Variants in ERMAP observed in about 807,000 individuals in gnomAD.
ERMAP encodes erythroblast membrane associated protein (Scianna blood group), also known as erythroid membrane-associated protein.
Under a neutral mutation model 49.5 loss-of-function variants are expected in ERMAP, and 34 were observed. The observed-to-expected ratio is 0.69, with a 90% CI of 0.52 to 0.91. The LOEUF (loss-of-function observed/expected upper bound fraction) is 0.91. Ranked by LOEUF, ERMAP falls within the 40% of genes least tolerant of loss-of-function variation. The pLI, the probability that ERMAP is intolerant of heterozygous loss-of-function variation, is 0.00. For synonymous variants in ERMAP, 214 were observed against 232.2 expected, an observed-to-expected ratio of 0.92 and a Z score of 0.71; for missense variants, 541 against 582.6, an observed-to-expected ratio of 0.93 and a Z score of 0.74.
chr1:42,818,400 G>A (rs142189653), intron 1 of ERMAP, among the ~76,000 whole-genome samples: 1 of 152,332 alleles, frequency 6.6e-6, no homozygotes, highest in African/African-American at 2.4e-5. Flanking sequence ...AAGAGGAATT[G>A]TTTAAAGGGT....
intron 7 of ERMAP, 75 bp downstream of exon 7, chr1:42,837,265 A>G (rs1654929976): frequency 6.8e-6 from 10 of 1,473,004 alleles, no homozygotes; most frequent in Non-Finnish European, 9.5e-6. Context: ...GTTGACAGTC[A>G]TTATTATAAG....
In ERMAP at chr1:42,817,147, G is replaced by A. The variant is rs1249174194; in HGVS notation, c.-228G>A. 1 of 1,200,306 alleles carries A rather than the reference G, an allele frequency of 8.3e-7. No individual in the cohort carries two copies. The allele number at this position is 1,200,306 out of a possible 1,614,324, so 74.4% of individuals were successfully genotyped here. The stretch of plus-strand genomic sequence containing the variant: ...CTCTTCCCTCTCCTGGAGGAAAATG[G>A]CGGTCGCTGGAGCCGCCGACCAAGA... On this transcript the variant is annotated 5_prime_UTR_variant, in exon 1 of 12. Coordinates refer to ENST00000372517, the MANE Select transcript of ERMAP (RefSeq NM_001017922.2).
At chr1:42,839,483 G>A (rs541570948) in intron 8 of ERMAP, 19 of 169,630 alleles carry the variant, frequency 1.1e-4, no homozygotes, top group African/African-American at 1.7e-4. Context: ...GGTGGTGCAC[G>A]CCTGTAATCC....
intron 7 of ERMAP, among the ~76,000 whole-genome samples, chr1:42,838,284 C>T (rs193029623): frequency 3.4e-4 from 52 of 152,238 alleles, no homozygotes; most frequent in East Asian, 1.2e-3. Context: ...AACACATGCC[C>T]GGCCCTTAGC....
chr1:42,818,989 A>G (rs1282356518), intron 1 of ERMAP, among the ~76,000 whole-genome samples: 3 of 152,190 alleles, frequency 2.0e-5, no homozygotes, highest in Non-Finnish European at 4.4e-5. Context: ...ACTAGATTAC[A>G]GCTGAAGACA....
intron 11 of ERMAP, among the ~76,000 whole-genome samples, chr1:42,840,783 G>T (rs1281701966): frequency 6.6e-6 from 1 of 151,906 alleles, no homozygotes; most frequent in Non-Finnish European, 1.5e-5. Flanking sequence ...TTTCTGTGTA[G>T]TCTCTTCCAT....
At position 42,827,133 on chromosome 1, in the gene ERMAP, G is replaced by T. The variant is rs570233341; in HGVS notation, c.-6+1395G>T. 2.0e-5 allele frequency among the ~76,000 whole-genome samples: 3 copies of T among 152,122 alleles called. No individual in the cohort carries two copies. In the East Asian group the frequency reaches 5.8e-4, roughly 29 times the overall value. Reference sequence around the variant, plus strand: ...GGAAATGCACATAATGTAGCACTTGGTGAAAATATCAGGTATCAAAACAGT... The same window carrying T: ...GGAAATGCACATAATGTAGCACTTGTTGAAAATATCAGGTATCAAAACAGT... On this transcript the variant is annotated intron_variant, in intron 2 of 11. Transcript: ENST00000372517.
intron 8 of ERMAP, 146 bp from the exon 9 acceptor site, chr1:42,839,887 T>G: frequency 1.3e-6 from 1 of 794,470 alleles, no homozygotes; most frequent in Non-Finnish European, 2.1e-6. Context: ...TGGGATCTAC[T>G]GCTCTTGCAA....
intron 6 of ERMAP, chr1:42,836,845 A>T (rs1178965895): frequency 2.2e-5 from 5 of 224,310 alleles, no homozygotes; most frequent in Admixed American, 5.6e-5. Flanking sequence ...CAGATTTTTA[A>T]AAAAAATCTG....
intron 2 of ERMAP, chr1:42,830,182 G>A (rs1191917624): frequency 8.1e-6 from 4 of 493,748 alleles, no homozygotes; most frequent in African/African-American, 7.8e-5. Context: ...GCCTCTGTGT[G>A]AGCATTTACC....
intron 3 of ERMAP, 100 bp from the exon 4 acceptor site, chr1:42,830,668 T>C (rs1654695812): frequency 7.1e-7 from 1 of 1,414,674 alleles, no homozygotes; most frequent in Non-Finnish European, 9.6e-7. Flanking sequence ...CCAGAGTCCT[T>C]CCTGGGCTCT....
At chr1:42,831,506 C>T (rs1165579749) in intron 4 of ERMAP, among the ~76,000 whole-genome samples, 1 of 151,016 alleles carries the variant, frequency 6.6e-6, no homozygotes, top group Non-Finnish European at 1.5e-5. Flanking sequence ...TTAATGGGTC[C>T]TCTCCTGGGG....
At position 42,843,209 on chromosome 1, in the gene ERMAP, G is replaced by A; in HGVS notation, c.1405G>A (p.Glu469Lys). The change falls in exon 12 of 12, where the codon GAG (glutamate) becomes AAG (lysine). Residue 469 changes from glutamate (E) to lysine (K), a missense_variant. By Grantham distance (56) the Glu-to-Lys change is moderately conservative. Transcript: ENST00000372517. ...CCCTGACCTTGGCCCAGCCCTTCAG[G>A]AGCTCAAGGCTCCTTCTTTTTAGGG... ...LPPDLGPALQ[E>K]LKAPSF 1 of 1,597,756 alleles carries A rather than the reference G, an allele frequency of 6.3e-7. No homozygotes were observed. The highest frequency in any genetic ancestry group is 8.5e-7 in the Non-Finnish European group (1 of 1,173,234).
In ERMAP at chr1:42,838,370, G is replaced by A. The variant is rs35913063; in HGVS notation, c.617-531G>A. Among the ~76,000 whole-genome samples the A allele has an allele frequency of 6.3e-3, 953 of 152,256 alleles. 12 individuals are homozygous for A. The highest frequency in any genetic ancestry group is 0.022 in the African/African-American group (905 of 41,548). ...GCCAATGCTGGGTAGGGGGAAATGTGGGCCACATGGCCCTCCAGAGAAGCT... is the reference window on the plus strand; with the variant it reads ...GCCAATGCTGGGTAGGGGGAAATGTAGGCCACATGGCCCTCCAGAGAAGCT... On this transcript the variant is annotated intron_variant, in intron 7 of 11. Transcript: ENST00000372517.
At chr1:42,823,690 C>T (rs758841651) in intron 1 of ERMAP, among the ~76,000 whole-genome samples, 1 of 152,132 alleles carries the variant, frequency 6.6e-6, no homozygotes, top group Non-Finnish European at 1.5e-5. Context: ...GTTTTTTCCT[C>T]GATAAAGTCA....
intron 2 of ERMAP, among the ~76,000 whole-genome samples, chr1:42,829,163 G>C (rs970787958): frequency 3.9e-5 from 6 of 152,206 alleles, no homozygotes; most frequent in African/African-American, 1.2e-4. Flanking sequence ...CTATGACCTA[G>C]TGCTATGTTG....
chr1:42,835,209 T>C, intron 5 of ERMAP, 55 bp downstream of exon 5: 3 of 814,726 alleles, frequency 3.7e-6, no homozygotes, highest in Admixed American at 1.7e-5. Flanking sequence ...ATGACTGCTC[T>C]GGGAAAGGGC....
chr1:42,835,470 C>T (rs749097809), intron 5 of ERMAP, among the ~76,000 whole-genome samples: 1 of 152,180 alleles, frequency 6.6e-6, no homozygotes, highest in Non-Finnish European at 1.5e-5. Flanking sequence ...CCAATTATAT[C>T]CATTGGATAA....
At chr1:42,822,530 A>G (rs570569391) in intron 1 of ERMAP, among the ~76,000 whole-genome samples, 115 of 152,340 alleles carry the variant, frequency 7.5e-4, no homozygotes, top group African/African-American at 2.6e-3. Context: ...TATGGGGTAC[A>G]GAGTAATATT....
Sources: allele counts gnomAD v4.1 joint callset (sites outside exome capture counted in the v4.1 genomes callset), GRCh38; gene constraint gnomAD v4.1.1; transcripts MANE v1.5; gene names NCBI Gene and HGNC (gene_info 2026-07-23, HGNC 2026-07-21).